The following AGPAT4 variants were observed in gnomAD, a reference collection of about 807,000 sequenced individuals.
AGPAT4 encodes 1-acylglycerol-3-phosphate O-acyltransferase 4.
Under a neutral mutation model 48.0 loss-of-function variants are expected in AGPAT4, and 15 were observed. That is an observed-to-expected ratio of 0.31 (90% CI 0.21 to 0.48). AGPAT4 has a LOEUF of 0.48. AGPAT4 is among the 20% of genes least tolerant of loss of function. The probability of loss-of-function intolerance (pLI) is 0.99; values close to 1 mark genes in which losing one functional copy is unlikely to be tolerated. For missense variants in AGPAT4, 314 were observed against 482.5 expected, an observed-to-expected ratio of 0.65 and a Z score of 3.27; for synonymous variants, 178 against 198.7, an observed-to-expected ratio of 0.90 and a Z score of 0.88.
In AGPAT4 at chr6:161,178,226, C is replaced by G. The variant is rs2114990102; in HGVS notation, c.179-11809G>C. The stretch of plus-strand genomic sequence containing the variant: ...TGCAGAAGTTTCTGCTGCCCTGCCC[C>G]CAGAGGTGGAGTCTACAGAGGCATG... On this transcript the variant is annotated intron_variant, in intron 2 of 8. Transcript: ENST00000320285. The surrounding 1 kb of genome is among the most constrained non-coding windows in gnomAD (Gnocchi z 5.1). Among the ~76,000 whole-genome samples, 1 of 152,190 alleles carries G rather than the reference C, an allele frequency of 6.6e-6. No individual in the cohort carries two copies. The highest frequency in any genetic ancestry group is 1.9e-4 in the East Asian group (1 of 5,156).
In AGPAT4 at chr6:161,196,441, A is replaced by C. The variant is rs1207857364; in HGVS notation, c.179-30024T>G. Among the ~76,000 whole-genome samples the C allele has an allele frequency of 6.6e-6, 1 of 152,240 alleles. No homozygotes were observed. The highest frequency in any genetic ancestry group is 2.1e-4 in the South Asian group (1 of 4,824). On this transcript the variant is annotated intron_variant, in intron 2 of 8. Coordinates refer to ENST00000320285, the MANE Select transcript of AGPAT4 (RefSeq NM_020133.3). This position sits in a 1 kb window ranked among gnomAD's most constrained non-coding sequence, Gnocchi z 4.3. The stretch of plus-strand genomic sequence containing the variant: ...GGACTGTGGTCCTATCCAGGGTCTG[A>C]AATAGGTCTGAAGCAACAGAGTTAG...
Position 161,233,242 on chromosome 6 carries a change from A to C in AGPAT4, c.-89-940T>G, listed in dbSNP as rs1336632051. On this transcript the variant is annotated intron_variant, in intron 1 of 8. Transcript: ENST00000320285. The surrounding 1 kb of genome is among the most constrained non-coding windows in gnomAD (Gnocchi z 5.4). ...CTGTAATCAGTCTCCAGCTCAAAAC[A>C]GAATAATGAAATGACTTTACAGTTT... Among the ~76,000 whole-genome samples the C allele has an allele frequency of 1.3e-5, 2 of 152,206 alleles. No homozygotes were observed. Among genetic ancestry groups the C allele is most frequent in the Non-Finnish European group, 2.9e-5 (2 of 68,044 alleles).
In AGPAT4 at chr6:161,142,222, G is replaced by A. The variant is rs1235814950; in HGVS notation, c.844-2602C>T. ...AATCTCATCCCCTCCCCTCACTTAT[G>A]GCCCATGACATTGCCACAGGACCTC... On this transcript the variant is annotated intron_variant, in intron 7 of 8. Coordinates refer to ENST00000320285, the MANE Select transcript of AGPAT4 (RefSeq NM_020133.3). This position sits in a 1 kb window ranked among gnomAD's most constrained non-coding sequence, Gnocchi z 6.4. Among the ~76,000 whole-genome samples the A allele has an allele frequency of 6.6e-6, 1 of 152,132 alleles. No individual in the cohort carries two copies. The highest frequency in any genetic ancestry group is 2.4e-5 in the African/African-American group (1 of 41,418).
rs979679321 is a variant in AGPAT4 at position 161,240,185 on chromosome 6, C to T, written c.-89-7883G>A. Among the ~76,000 whole-genome samples the T allele has an allele frequency of 4.7e-5, 7 of 149,814 alleles. No individual in the cohort carries two copies. The highest frequency in any genetic ancestry group is 1.7e-4 in the African/African-American group (7 of 40,632). On this transcript the variant is annotated intron_variant, in intron 1 of 8. Transcript: ENST00000320285. The surrounding 1 kb of genome is among the most constrained non-coding windows in gnomAD (Gnocchi z 5.5). ...AAAAAAAAACCGGAAGAAAAGAAAG[C>T]CTTACCAAAACACTAACAGCAGATA... is the stretch of plus-strand genomic sequence containing the variant.
At position 161,135,064 on chromosome 6, in the gene AGPAT4, A is replaced by T. The variant is rs1169946405; in HGVS notation, c.*1476T>A. The T allele has an allele frequency of 6.7e-6, 1 of 149,390 alleles. No individual in the cohort carries two copies. Among genetic ancestry groups the T allele is most frequent in the African/African-American group, 2.5e-5 (1 of 39,890 alleles). The allele number at this position is 149,390 out of a possible 1,614,324, so 9.3% of individuals were successfully genotyped here. The stretch of plus-strand genomic sequence containing the variant: ...GGAGCTTCTCTAGAGCTGTCTTGTA[A>T]CTCCTTGGCTTACCTAGTTTGGTTG... On this transcript the variant is annotated 3_prime_UTR_variant, in exon 9 of 9. Coordinates refer to ENST00000320285, the MANE Select transcript of AGPAT4 (RefSeq NM_020133.3).
At position 161,141,480 on chromosome 6, in the gene AGPAT4, G is replaced by A. The variant is rs546503866; in HGVS notation, c.844-1860C>T. 3.9e-5 allele frequency among the ~76,000 whole-genome samples: 6 copies of A among 152,220 alleles called. No homozygotes were observed. The highest frequency in any genetic ancestry group is 2.1e-4 in the South Asian group (1 of 4,812). ...CACCCAACTCTGCCAGGGAAGCAGC[G>A]GCATTCGCCTGCCCACCAGAACGGG... On this transcript the variant is annotated intron_variant, in intron 7 of 8. Transcript: ENST00000320285. This position sits in a 1 kb window ranked among gnomAD's most constrained non-coding sequence, Gnocchi z 6.7.
chr6:161,153,272 C>T (rs1779642519), intron 5 of AGPAT4, 74 bp downstream of exon 5: 1 of 1,523,880 alleles, frequency 6.6e-7, no homozygotes. Context: ...AGGAAGCAAG[C>T]TCTGCCCATC....
intron 2 of AGPAT4, among the ~76,000 whole-genome samples, chr6:161,210,107 T>G (rs1781483819): frequency 6.6e-6 from 1 of 152,168 alleles, no homozygotes. Flanking sequence ...GGATTCAGTG[T>G]AGGTTTTGCC....
rs907436619 is a variant in AGPAT4, at chr6:161,189,193, C to T, written c.179-22776G>A. Among the ~76,000 whole-genome samples, 6 of 152,158 alleles carry T rather than the reference C, an allele frequency of 3.9e-5. No individual in the cohort carries two copies. The highest frequency in any genetic ancestry group is 1.9e-4 in the East Asian group (1 of 5,194). ...GGGCATGCAACAGTGTTGCTAAACC[C>T]GGATTGTCTGGCAGCCCTGGGAAGA... On this transcript the variant is annotated intron_variant, in intron 2 of 8. Transcript: ENST00000320285. The surrounding 1 kb of genome is among the most constrained non-coding windows in gnomAD (Gnocchi z 5.3).
chr6:161,236,819 T>C lies in AGPAT4; in HGVS notation c.-89-4517A>G, dbSNP rs375376068. Among the ~76,000 whole-genome samples the C allele has an allele frequency of 2.4e-4, 37 of 152,036 alleles. No homozygotes were observed. The East Asian group carries it at 3.5e-3, about 14-fold the overall frequency. On this transcript the variant is annotated intron_variant, in intron 1 of 8. Coordinates refer to ENST00000320285, the MANE Select transcript of AGPAT4 (RefSeq NM_020133.3). The surrounding 1 kb of genome is among the most constrained non-coding windows in gnomAD (Gnocchi z 5.0). ...CGGGAGGCTGAGGCAGGCGAATCACTTAAACCTGGGAGGCAGAGGTTGCAG... is the reference window on the plus strand; with the variant it reads ...CGGGAGGCTGAGGCAGGCGAATCACCTAAACCTGGGAGGCAGAGGTTGCAG...
rs1315691283 is a variant in AGPAT4 at position 161,139,362 on chromosome 6, G to A, written c.1042+60C>T. On this transcript the variant is annotated intron_variant, in intron 8 of 8. Transcript: ENST00000320285. The surrounding 1 kb of genome is among the most constrained non-coding windows in gnomAD (Gnocchi z 9.1). ...TACAGATGGCCTTCGTCCCAGCCCT[G>A]ATGCCACCTCTCCCAGGGTGGTGCT... The A allele has an allele frequency of 6.3e-7, 1 of 1,581,636 alleles. No homozygotes were observed. The highest frequency in any genetic ancestry group is 1.3e-5 in the African/African-American group (1 of 74,212).
At chr6:161,170,495 A>G (rs1423600679) in intron 2 of AGPAT4, among the ~76,000 whole-genome samples, 2 of 152,046 alleles carry the variant, frequency 1.3e-5, no homozygotes, top group Admixed American at 6.5e-5. Flanking sequence ...ACACACACAC[A>G]CACACACACA....
At chr6:161,263,352 G>A (rs1456760521) in intron 1 of AGPAT4, among the ~76,000 whole-genome samples, 7 of 152,170 alleles carry the variant, frequency 4.6e-5, no homozygotes, top group African/African-American at 1.7e-4. Flanking sequence ...TTAGCTGGGT[G>A]TGGTGGCGGG....
rs9458161 is a variant in AGPAT4 at position 161,232,180 on chromosome 6, G to A, written c.34C>T (p.Leu12=). The part of the protein sequence containing the change: ...DLAGLLKSQF[L]CHLVFCYVFI... ...ACGTAGCAGAAGACCAGGTGGCACA[G>A]GAACTGAGACTTCAGCAGTCCCGCG... Residue 12 remains leucine, a synonymous_variant, in exon 2 of 9, where the codon CTG becomes TTG. Transcript: ENST00000320285. This position sits in a 1 kb window ranked among gnomAD's most constrained non-coding sequence, Gnocchi z 6.8. The A allele has an allele frequency of 5.7e-3, 9,267 of 1,614,122 alleles. 44 individuals carry two copies. Among genetic ancestry groups the A allele is most frequent in the Non-Finnish European group, 6.7e-3 (7,964 of 1,180,020 alleles).
At position 161,200,183 on chromosome 6, in the gene AGPAT4, G is replaced by A. The variant is rs756050272; in HGVS notation, c.178+31853C>T. Among the ~76,000 whole-genome samples, 24 of 152,170 alleles carry A rather than the reference G, an allele frequency of 1.6e-4. 1 individual carries two copies. In the East Asian group the frequency reaches 2.5e-3, roughly 16 times the overall value. Reference sequence around the variant, plus strand: ...AAATTCTGTGTTCACCCTTCAGCCCGGTCCCCATGAGAAAAAATGTCAAAT... The same window carrying A: ...AAATTCTGTGTTCACCCTTCAGCCCAGTCCCCATGAGAAAAAATGTCAAAT... On this transcript the variant is annotated intron_variant, in intron 2 of 8. Transcript: ENST00000320285. This position sits in a 1 kb window ranked among gnomAD's most constrained non-coding sequence, Gnocchi z 5.5.
At position 161,132,751 on chromosome 6, in the gene AGPAT4, C is replaced by T. The variant is rs557104648; in HGVS notation, c.*3789G>A. The T allele has an allele frequency of 6.6e-6, 1 of 152,342 alleles. No homozygotes were observed. The highest frequency in any genetic ancestry group is 6.5e-5 in the Admixed American group (1 of 15,300). The allele number at this position is 152,342 out of a possible 1,614,324, so 9.4% of individuals were successfully genotyped here. A position where few individuals can be genotyped will look rare whatever the true frequency, so the allele number is the denominator to read the frequency against. On this transcript the variant is annotated 3_prime_UTR_variant, in exon 9 of 9. Transcript: ENST00000320285. ...CTACGTCAGTTAAGGCATCGTGAGA[C>T]ACAGGTGTGGTGGAGGCATTATGAG...
chr6:161,172,759 CATTAGGT>C (rs1226275694), intron 2 of AGPAT4, among the ~76,000 whole-genome samples: 1 of 152,084 alleles, frequency 6.6e-6, no homozygotes, highest in Admixed American at 6.5e-5. Context: ...TAGTCATTTA[CATTAGGT>C]ATATCTCCTA....
At position 161,244,665 on chromosome 6, in the gene AGPAT4, G is replaced by A. The variant is rs567830737; in HGVS notation, c.-89-12363C>T. ...TACTGAACCACCAAACAGAGATAGC[G>A]AACTGCATTCTCTGACATCTCCGAT... On this transcript the variant is annotated intron_variant, in intron 1 of 8. Transcript: ENST00000320285. The surrounding 1 kb of genome is among the most constrained non-coding windows in gnomAD (Gnocchi z 4.7). Among the ~76,000 whole-genome samples the A allele has an allele frequency of 2.0e-5, 3 of 152,256 alleles. No homozygotes were observed. The highest frequency in any genetic ancestry group is 4.2e-4 in the South Asian group (2 of 4,818).
chr6:161,200,099 C>T lies in AGPAT4; in HGVS notation c.178+31937G>A, dbSNP rs1781184370. ...CTAAGGGCCTAACTCTGCATTGCGA[C>T]GAATGTGCACAGAAAGAGGAAGGAA... On this transcript the variant is annotated intron_variant, in intron 2 of 8. Coordinates refer to ENST00000320285, the MANE Select transcript of AGPAT4 (RefSeq NM_020133.3). The surrounding 1 kb of genome is among the most constrained non-coding windows in gnomAD (Gnocchi z 5.5). Among the ~76,000 whole-genome samples the T allele has an allele frequency of 6.6e-6, 1 of 151,996 alleles. No homozygotes were observed. The highest frequency in any genetic ancestry group is 2.4e-5 in the African/African-American group (1 of 41,356).
Sources: allele counts gnomAD v4.1 joint callset (sites outside exome capture counted in the v4.1 genomes callset), GRCh38; gene constraint gnomAD v4.1.1; non-coding constraint Gnocchi (gnomAD v3.1); transcripts MANE v1.5; gene names NCBI Gene and HGNC (gene_info 2026-07-23, HGNC 2026-07-21).